Variants in TNS1 observed in about 807,000 individuals in gnomAD.
TNS1 encodes tensin-1.
A neutral mutation model predicts 168.6 loss-of-function variants in TNS1; 62 were observed. The ratio of observed to expected loss-of-function variants is 0.37; its 90% CI spans 0.30 to 0.45. TNS1 has a LOEUF of 0.45. Among genes scored for constraint, TNS1 ranks in the 20% least tolerant of loss-of-function variants. The pLI, the probability that TNS1 is intolerant of heterozygous loss-of-function variation, is 1.00. For missense variants in TNS1, 2,240 were observed against 2,339.4 expected, an observed-to-expected ratio of 0.96 and a Z score of 0.88; for synonymous variants, 934 against 933.2, an observed-to-expected ratio of 1.00 and a Z score of -0.02.
At chr2:217,961,280 G>GAGAGAGAGAGA (rs60120059) in intron 3 of TNS1, among the ~76,000 whole-genome samples, 1 of 151,452 alleles carries the variant, frequency 6.6e-6, no homozygotes. Flanking sequence ...GAGAGAGAGA[G>GAGAGAGAGAGA]GCTGAAGCTG....
At chr2:217,930,922 G>T (rs936499768) in intron 3 of TNS1, among the ~76,000 whole-genome samples, 1 of 152,124 alleles carries the variant, frequency 6.6e-6, no homozygotes. Flanking sequence ...GAGCTTCTAG[G>T]AAGTTCCTAG....
At chr2:217,886,901 C>T (rs1324360507) in intron 12 of TNS1, among the ~76,000 whole-genome samples, 1 of 152,154 alleles carries the variant, frequency 6.6e-6, no homozygotes, top group Non-Finnish European at 1.5e-5. Context: ...TGGAGTTCGC[C>T]ACCGCCCTCT....
Position 217,880,095 on chromosome 2 carries a change from T to C in TNS1, c.1429+803A>G, listed in dbSNP as rs1328080416. ...CTACGACCAACTCAAGAAAAGAAGC[T>C]TGTGGCCAAACCCCAGGCAGGGCAT... is the stretch of plus-strand genomic sequence containing the variant. On this transcript the variant is annotated intron_variant, in intron 18 of 32. Transcript: ENST00000682258. The surrounding 1 kb of genome is among the most constrained non-coding windows in gnomAD (Gnocchi z 4.2). Among the ~76,000 whole-genome samples, 2 of 152,212 alleles carry C rather than the reference T, an allele frequency of 1.3e-5. No individual in the cohort carries two copies. Among genetic ancestry groups the C allele is most frequent in the African/African-American group, 4.8e-5 (2 of 41,458 alleles).
intron 18 of TNS1, among the ~76,000 whole-genome samples, chr2:217,862,567 C>T (rs1948878348): frequency 6.6e-6 from 1 of 152,240 alleles, no homozygotes; most frequent in Admixed American, 6.5e-5. Context: ...TGTGGGCAGT[C>T]AGCCCAGGCA....
chr2:218,005,290 C>A (rs570187050), upstream of TNS1, among the ~76,000 whole-genome samples: 3 of 152,342 alleles, frequency 2.0e-5, no homozygotes, highest in African/African-American at 7.2e-5. Flanking sequence ...GTGACACCAA[C>A]TTGTCTGGCC....
intron 3 of TNS1, among the ~76,000 whole-genome samples, chr2:217,930,981 G>C (rs537406854): frequency 8.5e-5 from 13 of 152,200 alleles, no homozygotes; most frequent in East Asian, 1.9e-4. Context: ...GGTTCTAGTG[G>C]AACTGGTGTG....
chr2:217,996,169 T>C (rs1958467281), intron 1 of TNS1, among the ~76,000 whole-genome samples: 1 of 152,144 alleles, frequency 6.6e-6, no homozygotes, highest in Non-Finnish European at 1.5e-5. Flanking sequence ...CAAAACTCCC[T>C]CAGCGCTGCC....
chr2:217,859,783 A>G (rs1050268135), intron 18 of TNS1: 1 of 1,138,158 alleles, frequency 8.8e-7, no homozygotes, highest in Non-Finnish European at 1.3e-6. Flanking sequence ...CAGATCCGAG[A>G]GCCATGCAGC....
chr2:218,030,645 C>A (rs891397291), intron 1 of TNS1, among the ~76,000 whole-genome samples: 3 of 152,220 alleles, frequency 2.0e-5, no homozygotes, highest in African/African-American at 4.8e-5. Context: ...GGGGATGAAA[C>A]CCTCACTTGT....
chr2:217,886,135 C>G, intron 13 of TNS1, 31 bp from the exon 14 acceptor site: 1 of 1,612,180 alleles, frequency 6.2e-7, no homozygotes, highest in South Asian at 1.1e-5. Flanking sequence ...TTAGCTAAGA[C>G]AGCAGAAACT....
chr2:217,824,629 T>G (rs1017452146), intron 22 of TNS1, among the ~76,000 whole-genome samples: 3 of 152,038 alleles, frequency 2.0e-5, no homozygotes, highest in Admixed American at 6.6e-5. Context: ...TCAGTGAGTG[T>G]CTTTAGTCTT....
chr2:217,879,639 T>C lies in TNS1; in HGVS notation c.1429+1259A>G, dbSNP rs115424627. On this transcript the variant is annotated intron_variant, in intron 18 of 32. Transcript: ENST00000682258. ...ATTCTAGTCCAACCACCCTCCCTCATCCCACTTCTCTCTGAAACCTTGTGC... is the reference window on the plus strand; with the variant it reads ...ATTCTAGTCCAACCACCCTCCCTCACCCCACTTCTCTCTGAAACCTTGTGC... The C allele has an allele frequency of 1.7e-3, 474 of 281,734 alleles. 7 individuals are homozygous for C. The highest frequency in any genetic ancestry group is 9.3e-3 in the South Asian group (335 of 36,204). 17.5% of individuals were successfully genotyped at this position (281,734 alleles called of 1,614,324 possible).
chr2:217,927,320 T>C (rs1373333620), intron 3 of TNS1, among the ~76,000 whole-genome samples: 1 of 152,178 alleles, frequency 6.6e-6, no homozygotes, highest in African/African-American at 2.4e-5. Context: ...AAGAGGAGCA[T>C]TGAAGCAGGC....
intron 3 of TNS1, among the ~76,000 whole-genome samples, chr2:217,925,424 T>C (rs1478860955): frequency 1.3e-5 from 2 of 151,994 alleles, no homozygotes; most frequent in African/African-American, 4.8e-5. Context: ...CTCTCAGCCT[T>C]GGTTATGTAA....
At chr2:217,920,259 G>A (rs1378242215) in intron 3 of TNS1, 23 bp from the exon 4 acceptor site, 1 of 703,000 alleles carries the variant, frequency 1.4e-6, no homozygotes, top group African/African-American at 1.7e-5. Context: ...CAGAGAACGG[G>A]CAGGTGAGCA....
intron 3 of TNS1, among the ~76,000 whole-genome samples, chr2:217,939,140 C>G (rs2125931308): frequency 6.6e-6 from 1 of 152,274 alleles, no homozygotes; most frequent in East Asian, 1.9e-4. Flanking sequence ...CTCGTTTGAT[C>G]CTCACAACCA....
chr2:217,816,479 T>C (rs1941905058), intron 24 of TNS1, among the ~76,000 whole-genome samples: 1 of 152,090 alleles, frequency 6.6e-6, no homozygotes, highest in African/African-American at 2.4e-5. Flanking sequence ...AGAGGTCAGC[T>C]CCCTTTCCTG....
rs1329444969 is a variant in TNS1 at position 217,897,864 on chromosome 2, C to A, written c.477G>T (p.Glu159Asp). ...CCTCACGGAGGTTGCTCCGGAAGTT[C>A]TCCTCATTGGCTGTGCTGGGGAAGG... Reference protein sequence around the residue: ...AVSFPSTANEENFRSNLREVA... With the variant: ...AVSFPSTANEDNFRSNLREVA... Residue 159 changes from glutamate (E) to aspartate (D), a missense_variant, in exon 8 of 33, where the codon GAG (glutamate) becomes GAT (aspartate). By Grantham distance (45) the Glu-to-Asp change is conservative. Coordinates refer to ENST00000682258, the MANE Select transcript of TNS1 (RefSeq NM_001387777.1). 1 of 1,613,690 alleles carries A rather than the reference C, an allele frequency of 6.2e-7. No individual in the cohort carries two copies. The highest frequency in any genetic ancestry group is 8.5e-7 in the Non-Finnish European group (1 of 1,179,792).
intron 18 of TNS1, among the ~76,000 whole-genome samples, chr2:217,873,518 G>C (rs891286705): frequency 2.0e-5 from 3 of 152,176 alleles, no homozygotes; most frequent in African/African-American, 7.2e-5. Flanking sequence ...GGGTCTTTGC[G>C]GGGGCCAGGA....
Sources: gnomAD v4.1 joint callset for allele counts (sites outside exome capture counted in the v4.1 genomes callset) on GRCh38, gnomAD v4.1.1 for gene constraint, Gnocchi (gnomAD v3.1) non-coding constraint, MANE v1.5 for transcripts, NCBI Gene and HGNC (gene_info 2026-07-23, HGNC 2026-07-21) for gene names.